Variants in NRK observed in about 807,000 individuals in gnomAD.
The protein encoded by NRK is nik-related protein kinase.
In NRK, 67 loss-of-function variants were observed where a neutral mutation model predicts 125.2. The observed-to-expected ratio is 0.54, with a 90% CI of 0.44 to 0.66. The LOEUF (loss-of-function observed/expected upper bound fraction) is 0.66, where lower values mean the gene tolerates loss of function less well. Ranked by LOEUF, NRK falls within the 30% of genes least tolerant of loss-of-function variation. The pLI is 0.00. For synonymous variants in NRK, 458 were observed against 429.0 expected (o/e 1.07, Z -0.84); for missense variants, 1,224 against 1,192.9 (o/e 1.03, Z -0.38).
rs754565084 is a variant in NRK, at chrX:105,886,536, A to ATG, written c.253-1744_253-1743dup. The stretch of plus-strand genomic sequence containing the variant: ...ATTATATATATATACGTGTGTGTGT[A>ATG]TGTGTGTGTGTGTGTTGATCATATC... On this transcript the variant is annotated intron_variant, in intron 4 of 28. Coordinates refer to ENST00000243300, the MANE Select transcript of NRK (RefSeq NM_198465.4). 1.3e-4 allele frequency among the ~76,000 whole-genome samples: 13 copies of ATG among 102,429 alleles called. No homozygotes were observed. The East Asian group carries it at 1.8e-3, about 14-fold the overall frequency. 88.9% of individuals were successfully genotyped at this position (102,429 alleles called of 115,157 possible).
Position 105,935,747 on chromosome X carries a change from C to T in NRK, c.3655+422C>T, listed in dbSNP as rs755064598. On this transcript the variant is annotated intron_variant, in intron 21 of 28. Coordinates refer to ENST00000243300, the MANE Select transcript of NRK (RefSeq NM_198465.4). ...TGGAGGTTGCAGTGAGCAGAGATCA[C>T]GCCACTGCACTTCAGCCCGGGCGAC... Among the ~76,000 whole-genome samples the T allele has an allele frequency of 1.3e-4, 14 of 107,658 alleles. No homozygotes were observed. In the East Asian group the frequency reaches 2.0e-3, roughly 16 times the overall value. 93.5% of individuals were successfully genotyped at this position (107,658 alleles called of 115,157 possible). A position where few individuals can be genotyped will look rare whatever the true frequency, so the allele number is the denominator to read the frequency against.
intron 14 of NRK, among the ~76,000 whole-genome samples, chrX:105,915,467 T>G (rs1203208954): frequency 9.0e-6 from 1 of 111,319 alleles, no homozygotes; most frequent in East Asian, 2.8e-4. Flanking sequence ...AGGCTACAGA[T>G]TCCTCAACAA....
chrX:105,851,362 A>G (rs1237722671), intron 2 of NRK, among the ~76,000 whole-genome samples: 3 of 112,042 alleles, frequency 2.7e-5, no homozygotes, highest in South Asian at 7.4e-4. Context: ...AAAATTACGC[A>G]TATGTATTGG....
chrX:105,881,288 C>A lies in NRK; in HGVS notation c.181-420C>A, dbSNP rs753939138. On this transcript the variant is annotated intron_variant, in intron 3 of 28. Transcript: ENST00000243300. The stretch of plus-strand genomic sequence containing the variant: ...CCATGGCTTCCAAATAATCAAACTT[C>A]TACTTTTTGAGTGATACTCTCTAAA... 9.0e-5 allele frequency among the ~76,000 whole-genome samples: 10 copies of A among 111,450 alleles called. No individual in the cohort carries two copies. In the South Asian group the frequency reaches 2.6e-3, roughly 29 times the overall value.
In NRK at chrX:105,912,699, G is replaced by A; in HGVS notation, c.2293G>A (p.Ala765Thr). 8.8e-7 allele frequency: 1 copy of A among 1,137,035 alleles called. No homozygotes were observed. Among genetic ancestry groups the A allele is most frequent in the Non-Finnish European group, 1.2e-6 (1 of 850,615 alleles). The allele number at this position is 1,137,035 out of a possible 1,213,427, so 93.7% of individuals were successfully genotyped here. ...DNDEVFHSIQ[A>T]EVQIEPLKPY... ...TGATGAAGTATTTCATTCGATTCAG[G>A]CTGAAGTCCAGATAGAGCCATTGAA... Residue 765 changes from alanine to threonine, a missense_variant, in exon 14 of 29, where the codon GCT (alanine) becomes ACT (threonine). Ala to Thr is a moderately conservative substitution (Grantham distance 58, BLOSUM62 0). Transcript: ENST00000243300.
chrX:105,873,467 A>G (rs2039774151), intron 2 of NRK, among the ~76,000 whole-genome samples: 1 of 111,616 alleles, frequency 9.0e-6, no homozygotes, highest in Non-Finnish European at 1.9e-5. Flanking sequence ...GCATCAGACC[A>G]TTAAATAACA....
Position 105,900,619 on chromosome X carries a change from G to C in NRK, c.713G>C (p.Ser238Thr). 1 of 1,180,289 alleles carries C rather than the reference G, an allele frequency of 8.5e-7. No homozygotes were observed. Among genetic ancestry groups the C allele is most frequent in the Non-Finnish European group, 1.2e-6 (1 of 869,055 alleles). The change falls in exon 9 of 29, where the codon AGT (serine) becomes ACT (threonine). Residue 238 changes from serine to threonine, a missense_variant and splice_region_variant. By Grantham distance (58) the Ser-to-Thr change is moderately conservative (BLOSUM62 1). Coordinates refer to ENST00000243300, the MANE Select transcript of NRK (RefSeq NM_198465.4). ...EDPRRSYDYR[S>T]DVWSVGITAI... ...TTTTTGTCATCTTTGTCTTTGCAGA[G>C]TGATGTGTGGTCTGTGGGAATTACT...
chrX:105,931,493 G>T (rs1212056995), intron 19 of NRK, among the ~76,000 whole-genome samples: 2 of 111,596 alleles, frequency 1.8e-5, no homozygotes, highest in Admixed American at 9.5e-5. Context: ...TACTACAGTT[G>T]TCTGTGGTGG....
chrX:105,921,643 A>G (rs1380834118), intron 16 of NRK, among the ~76,000 whole-genome samples: 2 of 109,293 alleles, frequency 1.8e-5, no homozygotes, highest in Non-Finnish European at 1.9e-5. Context: ...TTTTAAATGT[A>G]TCTACCTGGC....
rs764326988 is a variant in NRK, at chrX:105,945,898, T to C, written c.4086T>C (p.Ser1362=). ...TATGCATTGATCAATCAGCAGACTC[T>C]GAAGGAGACTACATGTCCTATCAAG... ...IKVCIDQSAD[S]EGDYMSYQAY... The change falls in exon 25 of 29, where the codon TCT becomes TCC. Residue 1362 remains serine (S), a synonymous_variant. Coordinates refer to ENST00000243300, the MANE Select transcript of NRK (RefSeq NM_198465.4). 8.3e-7 allele frequency: 1 copy of C among 1,207,824 alleles called. No homozygotes were observed. The highest frequency in any genetic ancestry group is 1.1e-6 in the Non-Finnish European group (1 of 892,185).
chrX:105,953,177 T>C lies in NRK; in HGVS notation c.4653+4T>C. 8.9e-7 allele frequency: 1 copy of C among 1,129,220 alleles called. No individual in the cohort carries two copies. The highest frequency in any genetic ancestry group is 2.4e-5 in the South Asian group (1 of 42,177). The allele number at this position is 1,129,220 out of a possible 1,213,427, so 93.1% of individuals were successfully genotyped here. A position where few individuals can be genotyped will look rare whatever the true frequency, so the allele number is the denominator to read the frequency against. Reference sequence around the variant, plus strand: ...CCTGTGCACCCGGGGTGACAAGGTATAGCTTACACCCTCCAGTTACAGCAA... The same window carrying C: ...CCTGTGCACCCGGGGTGACAAGGTACAGCTTACACCCTCCAGTTACAGCAA... On this transcript the variant is annotated splice_donor_region_variant and intron_variant, in intron 28 of 28. Transcript: ENST00000243300.
chrX:105,923,210 G>C lies in NRK; in HGVS notation c.2703G>C (p.Arg901=). The C allele has an allele frequency of 8.3e-7, 1 of 1,209,310 alleles. No homozygotes were observed. Among genetic ancestry groups the C allele is most frequent in the Non-Finnish European group, 1.1e-6 (1 of 893,850 alleles). ...VGYNALSEIF[R]NDWLTPAPVI... ...ATAATGCACTCTCTGAAATCTTCCG[G>C]AATGATTGGTTAACTCCGGCACCTG... Residue 901 remains arginine, a synonymous_variant, in exon 18 of 29, where the codon CGG becomes CGC. Transcript: ENST00000243300.
At chrX:105,895,395 A>T (rs750759404) in intron 6 of NRK, 38 bp from the exon 7 acceptor site, 2 of 975,705 alleles carry the variant, frequency 2.0e-6, no homozygotes, top group Admixed American at 2.3e-5. Flanking sequence ...GAAAGAAAGA[A>T]ATATATACTG....
intron 1 of NRK, among the ~76,000 whole-genome samples, chrX:105,826,512 G>A (rs1184459095): frequency 9.8e-6 from 1 of 102,252 alleles, no homozygotes; most frequent in African/African-American, 3.6e-5. Flanking sequence ...TCTGTGCCCA[G>A]TATGGTAATG....
chrX:105,896,325 C>T (rs960342479), intron 7 of NRK, among the ~76,000 whole-genome samples: 1 of 111,787 alleles, frequency 8.9e-6, no homozygotes, highest in African/African-American at 3.3e-5. Flanking sequence ...AAACATGTGT[C>T]TGAACATGAC....
chrX:105,940,255 T>C lies in NRK; in HGVS notation c.3958+223T>C, dbSNP rs371099994. On this transcript the variant is annotated intron_variant, in intron 23 of 28. Transcript: ENST00000243300. ...CTTCCAGGTCTTCTATGTTACAATC[T>C]TGATTTTTTTTTTTGAGAAAACATT... Among the ~76,000 whole-genome samples, 5 of 111,051 alleles carry C rather than the reference T, an allele frequency of 4.5e-5. No individual in the cohort carries two copies. In the East Asian group the frequency reaches 8.6e-4, roughly 19 times the overall value.
In NRK at chrX:105,958,351, C is replaced by T. The variant is rs1280275759; in HGVS notation, c.*2751C>T. 1.8e-5 allele frequency: 2 copies of T among 111,905 alleles called. No individual in the cohort carries two copies. Among genetic ancestry groups the T allele is most frequent in the African/African-American group, 3.3e-5 (1 of 30,765 alleles). The allele number at this position is 111,905 out of a possible 1,213,427, so 9.2% of individuals were successfully genotyped here. ...GAATGCATAAGTTTTAATATTTTAG[C>T]GCTATCAGTTTCTAAATGCATTAAT... On this transcript the variant is annotated 3_prime_UTR_variant, in exon 29 of 29. Coordinates refer to ENST00000243300, the MANE Select transcript of NRK (RefSeq NM_198465.4).
At position 105,920,352 on chromosome X, in the gene NRK, G is replaced by T. The variant is rs991768539; in HGVS notation, c.2513-1612G>T. On this transcript the variant is annotated intron_variant, in intron 16 of 28. Coordinates refer to ENST00000243300, the MANE Select transcript of NRK (RefSeq NM_198465.4). ...TGATGCCTCCAGCTTTGTTCTTTTG[G>T]CTTAGGATTGACTTGGCGATGCGGG... 4.3e-3 allele frequency among the ~76,000 whole-genome samples: 450 copies of T among 105,303 alleles called. 6 individuals carry two copies. The highest frequency in any genetic ancestry group is 0.016 in the African/African-American group (428 of 26,474). The allele number at this position is 105,303 out of a possible 115,157, so 91.4% of individuals were successfully genotyped here.
chrX:105,834,442 G>GGT (rs202172346), intron 2 of NRK, among the ~76,000 whole-genome samples: 1,371 of 107,805 alleles, frequency 0.013, 23 homozygotes, highest in African/African-American at 0.033. Context: ...AATGTCTGGA[G>GGT]GTGTGTGCGT....
Sources: allele counts gnomAD v4.1 joint callset (sites outside exome capture counted in the v4.1 genomes callset), GRCh38; gene constraint gnomAD v4.1.1; transcripts MANE v1.5; gene names NCBI Gene and HGNC (gene_info 2026-07-23, HGNC 2026-07-21).